The following AGBL1 variants were observed in gnomAD, a reference collection of about 807,000 sequenced individuals.
AGBL1 encodes AGBL carboxypeptidase 1, also known as cytosolic carboxypeptidase 4.
AGBL1 carries 130 observed loss-of-function variants against 118.9 expected under a neutral mutation model. The ratio of observed to expected loss-of-function variants is 1.09; its 90% confidence interval spans 0.95 to 1.26. AGBL1 has a LOEUF of 1.26. AGBL1 is among the 50% of genes most tolerant of loss of function. The pLI, the probability that AGBL1 is intolerant of heterozygous loss-of-function variation, is 0.00. For missense variants in AGBL1, 1,584 were observed against 1,298.1 expected (o/e 1.22, Z -3.38); for synonymous variants, 555 against 478.9 (o/e 1.16, Z -2.08).
intron 23 of AGBL1, among the ~76,000 whole-genome samples, chr15:86,922,194 C>A (rs551440947): frequency 2.6e-5 from 4 of 152,190 alleles, no homozygotes; most frequent in Admixed American, 2.6e-4. Context: ...TTTGCAGTGC[C>A]TTAATATTAT....
chr15:86,904,609 G>A (rs1276526026), intron 22 of AGBL1, among the ~76,000 whole-genome samples: 7 of 147,854 alleles, frequency 4.7e-5, no homozygotes, highest in Non-Finnish European at 1.0e-4. Flanking sequence ...TATTCTATTT[G>A]TAGTATCTAT....
intron 5 of AGBL1, among the ~76,000 whole-genome samples, chr15:86,221,916 T>C (rs1567136492): frequency 6.6e-6 from 1 of 152,200 alleles, no homozygotes; most frequent in Non-Finnish European, 1.5e-5. Context: ...TTAAAAACTA[T>C]AGTTGATACC....
At chr15:86,588,106 A>G (rs1330582407) in intron 21 of AGBL1, among the ~76,000 whole-genome samples, 1 of 152,228 alleles carries the variant, frequency 6.6e-6, no homozygotes, top group East Asian at 1.9e-4. Flanking sequence ...TTAATTGCAC[A>G]GTTAGAAAAT....
At chr15:87,011,467 A>C (rs2081559316) in intron 24 of AGBL1, among the ~76,000 whole-genome samples, 2 of 152,256 alleles carry the variant, frequency 1.3e-5, no homozygotes, top group Non-Finnish European at 2.9e-5. Context: ...TTAGGAAGTG[A>C]ATGTCCAGAT....
chr15:86,106,951 G>T (rs1159446587), intron 1 of AGBL1, among the ~76,000 whole-genome samples: 1 of 152,168 alleles, frequency 6.6e-6, no homozygotes, highest in Non-Finnish European at 1.5e-5. Flanking sequence ...AATGTTATTT[G>T]CTTTGATGTA....
chr15:86,875,215 A>G (rs1183495976), intron 22 of AGBL1, among the ~76,000 whole-genome samples: 1 of 152,168 alleles, frequency 6.6e-6, no homozygotes, highest in Non-Finnish European at 1.5e-5. Flanking sequence ...TAGGCCCCCC[A>G]CACCCTGCTC....
At chr15:86,986,267 A>G (rs1303468522) in intron 23 of AGBL1, among the ~76,000 whole-genome samples, 1 of 152,176 alleles carries the variant, frequency 6.6e-6, no homozygotes, top group Non-Finnish European at 1.5e-5. Flanking sequence ...AATTAAATTT[A>G]AAAAAGTTTA....
intron 1 of AGBL1, among the ~76,000 whole-genome samples, chr15:86,094,990 A>G (rs1896264913): frequency 2.6e-5 from 4 of 152,178 alleles, no homozygotes; most frequent in Admixed American, 2.6e-4. Flanking sequence ...GGGAGTTCCC[A>G]CAGCTCCGTC....
chr15:86,537,224 A>G (rs2083438922), intron 19 of AGBL1, among the ~76,000 whole-genome samples: 1 of 152,242 alleles, frequency 6.6e-6, no homozygotes, highest in African/African-American at 2.4e-5. Flanking sequence ...AAGCCTTGTT[A>G]TAGGTCAAAA....
intron 18 of AGBL1, among the ~76,000 whole-genome samples, chr15:86,438,184 G>C (rs2082021515): frequency 6.6e-6 from 1 of 152,100 alleles, no homozygotes; most frequent in Non-Finnish European, 1.5e-5. Context: ...GGGACAACAG[G>C]TGTGAGCCAC....
intron 23 of AGBL1, among the ~76,000 whole-genome samples, chr15:86,987,180 A>G (rs2081293475): frequency 6.6e-6 from 1 of 152,178 alleles, no homozygotes; most frequent in South Asian, 2.1e-4. Context: ...GTGATTCTTC[A>G]GTTACTTCAG....
chr15:86,362,705 CCAGG>C (rs1001565005), intron 17 of AGBL1, among the ~76,000 whole-genome samples: 3 of 152,118 alleles, frequency 2.0e-5, no homozygotes, highest in African/African-American at 7.2e-5. Flanking sequence ...CACTGGGTTC[CCAGG>C]CAGGCAGGGC....
chr15:86,741,394 A>AAAT (rs2077676532), intron 22 of AGBL1, among the ~76,000 whole-genome samples: 1 of 79,866 alleles, frequency 1.3e-5, no homozygotes, highest in Non-Finnish European at 2.8e-5. Flanking sequence ...AAAAAAAAAA[A>AAAT]AAAAAAAAAA....
At chr15:86,728,480 T>C (rs1422001831) in intron 22 of AGBL1, among the ~76,000 whole-genome samples, 2 of 152,162 alleles carry the variant, frequency 1.3e-5, no homozygotes, top group African/African-American at 4.8e-5. Context: ...GGTGGCCCCA[T>C]AGGTATCAGC....
At chr15:86,859,696 A>T (rs1415979051) in intron 22 of AGBL1, among the ~76,000 whole-genome samples, 1 of 152,170 alleles carries the variant, frequency 6.6e-6, no homozygotes, top group Non-Finnish European at 1.5e-5. Flanking sequence ...TCGCCTTAGA[A>T]ATCATGAAGG....
chr15:86,370,032 G>A (rs889222173), intron 17 of AGBL1, among the ~76,000 whole-genome samples: 2 of 152,158 alleles, frequency 1.3e-5, no homozygotes, highest in Admixed American at 1.3e-4. Flanking sequence ...TTTATGAGCA[G>A]AGAGCAATTT....
chr15:86,305,477 T>C (rs2079824069), intron 17 of AGBL1, among the ~76,000 whole-genome samples: 1 of 152,156 alleles, frequency 6.6e-6, no homozygotes, highest in South Asian at 2.1e-4. Context: ...CTAAAGAAAA[T>C]ATGTAAAAAT....
At chr15:86,978,513 C>G (rs2081197452) in intron 23 of AGBL1, among the ~76,000 whole-genome samples, 1 of 152,148 alleles carries the variant, frequency 6.6e-6, no homozygotes, top group African/African-American at 2.4e-5. Flanking sequence ...AGCCCTACAG[C>G]AAGGTAAAAC....
chr15:86,998,703 G>T (rs2081402953), intron 24 of AGBL1, among the ~76,000 whole-genome samples: 1 of 152,118 alleles, frequency 6.6e-6, no homozygotes, highest in South Asian at 2.1e-4. Context: ...AATCTCATTT[G>T]GTTGTAACAA....
Sources: allele counts gnomAD v4.1 joint callset (sites outside exome capture counted in the v4.1 genomes callset), GRCh38; gene constraint gnomAD v4.1.1; transcripts MANE v1.5; gene names NCBI Gene and HGNC (gene_info 2026-07-23, HGNC 2026-07-21).